ANO2: variants seen among roughly 807,000 people sequenced by gnomAD.
ANO2 encodes anoctamin-2.
A neutral mutation model predicts 124.2 loss-of-function variants in ANO2; 101 were observed. That is an observed-to-expected ratio of 0.81 (90% CI 0.69 to 0.96). The LOEUF (loss-of-function observed/expected upper bound fraction) is 0.96, where lower values mean the gene tolerates loss of function less well. Ranked by LOEUF, ANO2 falls within the 40% of genes least tolerant of loss-of-function variation. The pLI is 0.00. For synonymous variants in ANO2, 486 were observed against 482.5 expected, an observed-to-expected ratio of 1.01 and a Z score of -0.09; for missense variants, 1,293 against 1,274.5, an observed-to-expected ratio of 1.01 and a Z score of -0.22.
At chr12:5,711,914 C>G (rs1949832539) in intron 14 of ANO2, among the ~76,000 whole-genome samples, 1 of 152,278 alleles carries the variant, frequency 6.6e-6, no homozygotes, top group South Asian at 2.1e-4. Flanking sequence ...CTTGACTGAA[C>G]AGGCTTTTCA....
At chr12:5,850,707 A>G (rs1203827282) in intron 4 of ANO2, among the ~76,000 whole-genome samples, 1 of 152,014 alleles carries the variant, frequency 6.6e-6, no homozygotes, top group Non-Finnish European at 1.5e-5. Context: ...CTGCCCTGTG[A>G]TTGTCGGCAC....
intron 14 of ANO2, among the ~76,000 whole-genome samples, chr12:5,661,563 G>A (rs1257999816): frequency 6.6e-6 from 1 of 152,106 alleles, no homozygotes; most frequent in African/African-American, 2.4e-5. Context: ...ATGGGAAGAG[G>A]AGAGCTGGGG....
chr12:5,835,326 C>A (rs1954282390), intron 4 of ANO2, among the ~76,000 whole-genome samples: 1 of 152,118 alleles, frequency 6.6e-6, no homozygotes, highest in African/African-American at 2.4e-5. Context: ...TCAGTTGGGG[C>A]AAACTGAGAT....
At chr12:5,713,530 C>T (rs1372774930) in intron 14 of ANO2, among the ~76,000 whole-genome samples, 3 of 152,114 alleles carry the variant, frequency 2.0e-5, no homozygotes, top group African/African-American at 7.2e-5. Context: ...ATCCCCCCTA[C>T]CCTGGGTGCC....
chr12:5,936,862 T>G (rs1942674168), intron 1 of ANO2, among the ~76,000 whole-genome samples: 1 of 152,240 alleles, frequency 6.6e-6, no homozygotes, highest in African/African-American at 2.4e-5. Flanking sequence ...CTAGTTGAAT[T>G]CAGCATAATC....
chr12:5,790,861 T>C (rs940814694), intron 10 of ANO2, among the ~76,000 whole-genome samples: 1 of 152,192 alleles, frequency 6.6e-6, no homozygotes, highest in Non-Finnish European at 1.5e-5. Flanking sequence ...ACTCTTGCGC[T>C]GTTAACAGAC....
intron 3 of ANO2, among the ~76,000 whole-genome samples, chr12:5,854,427 A>G (rs886781544): frequency 3.5e-5 from 5 of 142,684 alleles, no homozygotes; most frequent in Non-Finnish European, 6.2e-5. Context: ...AAAACAAGTT[A>G]AAACAATTTT....
chr12:5,631,599 C>T (rs368823115), intron 16 of ANO2, among the ~76,000 whole-genome samples: 8 of 152,262 alleles, frequency 5.3e-5, no homozygotes, highest in African/African-American at 1.4e-4. Context: ...AACCCAGAAA[C>T]AGAGGGTGTG....
rs183237928 is a variant in ANO2 at position 5,908,245 on chromosome 12, G to A, written c.534+12795C>T. 1.3e-5 allele frequency among the ~76,000 whole-genome samples: 2 copies of A among 152,350 alleles called. No homozygotes were observed. Among genetic ancestry groups the A allele is most frequent in the African/African-American group, 4.8e-5 (2 of 41,590 alleles). ...GACTCACAGGTCCTCTCTGAGGCCT[G>A]AGAAGCCTTCACCCTCCAACGGCCT... On this transcript the variant is annotated intron_variant, in intron 3 of 24. Transcript: ENST00000682330. The surrounding 1 kb of genome is among the most constrained non-coding windows in gnomAD (Gnocchi z 4.7).
Position 5,584,140 on chromosome 12 carries a change from C to T in ANO2, c.2234-5622G>A. 2.6e-5 allele frequency: 3 copies of T among 115,982 alleles called. No homozygotes were observed. The South Asian group carries it at 4.3e-4, about 17-fold the overall frequency. 7.2% of individuals were successfully genotyped at this position (115,982 alleles called of 1,614,324 possible). The stretch of plus-strand genomic sequence containing the variant: ...CCTTAATTTAATGAACACCCCCCCC[C>T]CGCCGCAAGAATATTAATGTTGATC... On this transcript the variant is annotated intron_variant, in intron 20 of 24. Coordinates refer to ENST00000682330, the MANE Select transcript of ANO2 (RefSeq NM_001364791.2).
chr12:5,606,388 T>C (rs896263681), intron 19 of ANO2, among the ~76,000 whole-genome samples: 1 of 152,230 alleles, frequency 6.6e-6, no homozygotes, highest in Non-Finnish European at 1.5e-5. Flanking sequence ...CTTTGACAAC[T>C]GCCAGGGCTT....
chr12:5,607,383 C>G (rs1276496239), intron 19 of ANO2, among the ~76,000 whole-genome samples: 1 of 152,038 alleles, frequency 6.6e-6, no homozygotes, highest in Non-Finnish European at 1.5e-5. Context: ...AAGCATTTAT[C>G]CAAGCTGGTT....
chr12:5,831,170 C>T (rs1285438789), intron 5 of ANO2, among the ~76,000 whole-genome samples: 1 of 152,188 alleles, frequency 6.6e-6, no homozygotes, highest in Non-Finnish European at 1.5e-5. Context: ...GAAGGAAATA[C>T]GCTCCCAGCA....
intron 14 of ANO2, among the ~76,000 whole-genome samples, chr12:5,722,463 C>T (rs1378859263): frequency 2.0e-5 from 3 of 152,024 alleles, no homozygotes; most frequent in African/African-American, 7.3e-5. Context: ...GCTGAGATCG[C>T]GCCACTGCAC....
At chr12:5,567,215 C>T (rs987739531) in intron 23 of ANO2, among the ~76,000 whole-genome samples, 4 of 152,122 alleles carry the variant, frequency 2.6e-5, no homozygotes, top group African/African-American at 7.2e-5. Flanking sequence ...GTTTGACATC[C>T]GGATGAAAAG....
At chr12:5,939,231 A>AAAAC (rs1942795891) in intron 1 of ANO2, among the ~76,000 whole-genome samples, 1 of 151,492 alleles carries the variant, frequency 6.6e-6, no homozygotes, top group African/African-American at 2.4e-5. Flanking sequence ...AAAAAAAAAA[A>AAAAC]AAAACTTTGT....
At chr12:5,790,122 T>C (rs2137147859) in intron 10 of ANO2, among the ~76,000 whole-genome samples, 1 of 152,334 alleles carries the variant, frequency 6.6e-6, no homozygotes, top group Admixed American at 6.5e-5. Context: ...GAACTGCACC[T>C]GCCATCATGC....
intron 5 of ANO2, among the ~76,000 whole-genome samples, chr12:5,831,825 G>A (rs1415433203): frequency 1.3e-5 from 2 of 151,988 alleles, no homozygotes; most frequent in East Asian, 1.9e-4. Context: ...CATCACCCTC[G>A]ATGGTTGTTT....
intron 14 of ANO2, among the ~76,000 whole-genome samples, chr12:5,654,901 C>T (rs1374129446): frequency 2.0e-5 from 3 of 152,190 alleles, no homozygotes; most frequent in African/African-American, 7.2e-5. Context: ...AGCCATCCCA[C>T]TTCTCAATAA....
Sources: allele counts gnomAD v4.1 joint callset (sites outside exome capture counted in the v4.1 genomes callset), GRCh38; gene constraint gnomAD v4.1.1; non-coding constraint Gnocchi (gnomAD v3.1); transcripts MANE v1.5; gene names NCBI Gene and HGNC (gene_info 2026-07-23, HGNC 2026-07-21).